AKAP3: variants seen among roughly 807,000 people sequenced by gnomAD.
AKAP3 encodes A-kinase anchor protein 3.
Under a neutral mutation model 57.2 loss-of-function variants are expected in AKAP3, and 27 were observed. That is an observed-to-expected ratio of 0.47 (90% CI 0.35 to 0.65). AKAP3 has a LOEUF of 0.65. Among genes scored for constraint, AKAP3 ranks in the 30% least tolerant of loss-of-function variants. The pLI is 0.01. For missense variants in AKAP3, 959 were observed against 1,040.0 expected (o/e 0.92, Z 1.07); for synonymous variants, 334 against 392.3 (o/e 0.85, Z 1.76).
Position 4,626,491 on chromosome 12 carries a change from C to A in AKAP3, c.2406+5G>T. On this transcript the variant is annotated splice_donor_5th_base_variant and intron_variant, in intron 5 of 5. Transcript: ENST00000228850. The stretch of plus-strand genomic sequence containing the variant: ...CTTCCAAATTCCTCTGCCTTTGTTT[C>A]TTACCTTCTCCTGGATCCCTTCATC... 6.2e-7 allele frequency: 1 copy of A among 1,610,554 alleles called. No individual in the cohort carries two copies. The highest frequency in any genetic ancestry group is 8.5e-7 in the Non-Finnish European group (1 of 1,177,926).
chr12:4,641,583 A>G (rs982923264), intron 3 of AKAP3, among the ~76,000 whole-genome samples: 2 of 152,196 alleles, frequency 1.3e-5, no homozygotes, highest in African/African-American at 4.8e-5. Flanking sequence ...TAAACTCTAT[A>G]ATGTCCTCTG....
rs755479335 is a variant in AKAP3 at position 4,615,776 on chromosome 12, G to A, written c.2525C>T (p.Pro842Leu). 18 of 1,614,038 alleles carry A rather than the reference G, an allele frequency of 1.1e-5. No individual in the cohort carries two copies. Among genetic ancestry groups the A allele is most frequent in the South Asian group, 3.3e-5 (3 of 91,080 alleles). The change falls in exon 6 of 6, where the codon CCG becomes CTG. Residue 842 changes from proline to leucine, a missense_variant. Coordinates refer to ENST00000228850, the MANE Select transcript of AKAP3 (RefSeq NM_001278309.2). ...CATCAGCCAGTCCAGCAGCTGCAGC[G>A]GTGTGACATTCCCCACCGCCTCATT... ...QLNEAVGNVT[P>L]LQLLDWLMVN...
chr12:4,644,354 T>C (rs916200449), intron 2 of AKAP3, among the ~76,000 whole-genome samples: 2 of 152,194 alleles, frequency 1.3e-5, no homozygotes. Flanking sequence ...ACCAGTTCTA[T>C]TTTGCTCTTG....
Position 4,627,056 on chromosome 12 carries a change from T to C in AKAP3, c.1846A>G (p.Lys616Glu). ...IFKRDQSPEPKVPEQPVKEDR... is the reference protein window; with the variant it reads ...IFKRDQSPEPEVPEQPVKEDR... ...TCCTTAACTGGCTGTTCCGGCACCT[T>C]GGGTTCAGGGCTCTGGTCACGCTTG... Residue 616 changes from lysine to glutamate, a missense_variant, in exon 5 of 6, where the codon AAG becomes GAG. Transcript: ENST00000228850. 6.2e-7 allele frequency: 1 copy of C among 1,613,956 alleles called. No individual in the cohort carries two copies. The highest frequency in any genetic ancestry group is 1.3e-5 in the African/African-American group (1 of 75,040).
chr12:4,615,985 C>G, intron 5 of AKAP3, 91 bp from the exon 6 acceptor site: 1 of 1,511,702 alleles, frequency 6.6e-7, no homozygotes, highest in South Asian at 1.2e-5. Context: ...AGAGGCCAGG[C>G]AGACCTTGGG....
At chr12:4,642,085 CTT>C (rs1204911590) in intron 2 of AKAP3, 81 bp from the exon 3 acceptor site, 1 of 152,110 alleles carries the variant, frequency 6.6e-6, no homozygotes, top group Non-Finnish European at 1.5e-5. Flanking sequence ...ATGTTTTTGA[CTT>C]ATTATTTTTC....
chr12:4,637,615 G>A (rs1310176891), intron 4 of AKAP3, among the ~76,000 whole-genome samples: 3 of 152,082 alleles, frequency 2.0e-5, no homozygotes, highest in African/African-American at 4.8e-5. Flanking sequence ...ACGATACATT[G>A]CCTGATATTA....
At chr12:4,641,666 TA>T (rs1945639495) in intron 3 of AKAP3, among the ~76,000 whole-genome samples, 1 of 152,244 alleles carries the variant, frequency 6.6e-6, no homozygotes. Flanking sequence ...ATGCTACTAT[TA>T]TTTGGCCAAA....
chr12:4,615,991 T>C (rs1306939341), intron 5 of AKAP3, 97 bp from the exon 6 acceptor site: 76 of 1,457,576 alleles, frequency 5.2e-5, no homozygotes, highest in South Asian at 1.7e-4. Context: ...CAGGCAGACC[T>C]TGGGAAACTG....
In AKAP3 at chr12:4,616,179, G is replaced by A. The variant is rs568176710; in HGVS notation, c.2407-285C>T. Among the ~76,000 whole-genome samples the A allele has an allele frequency of 3.9e-5, 6 of 152,302 alleles. No homozygotes were observed. In the South Asian group the frequency reaches 1.2e-3, roughly 32 times the overall value. Reference sequence around the variant, plus strand: ...CTCCATCATTGTCCTAAGACCAACAGGGCAGGATGGAAAATGTCCAGTGGA... The same window carrying A: ...CTCCATCATTGTCCTAAGACCAACAAGGCAGGATGGAAAATGTCCAGTGGA... On this transcript the variant is annotated intron_variant, in intron 5 of 5. Coordinates refer to ENST00000228850, the MANE Select transcript of AKAP3 (RefSeq NM_001278309.2).
chr12:4,634,399 T>C (rs1435124500), intron 4 of AKAP3, among the ~76,000 whole-genome samples: 3 of 152,180 alleles, frequency 2.0e-5, no homozygotes, highest in Non-Finnish European at 4.4e-5. Context: ...TCTTAAATAT[T>C]ACAGAAAAGT....
chr12:4,642,953 T>A (rs1591536843), intron 2 of AKAP3, among the ~76,000 whole-genome samples: 1 of 152,172 alleles, frequency 6.6e-6, no homozygotes, highest in Non-Finnish European at 1.5e-5. Context: ...ACTATGGCGG[T>A]TACTATGGCG....
rs138233318 is a variant in AKAP3, at chr12:4,628,689, C to T, written c.213G>A (p.Thr71=). The part of the protein sequence containing the change: ...FKPGESFGGE[T]SNSGDPHKGF... ...CTTTGTGTGGGTCTCCTGAGTTGGA[C>T]GTTTCCCCACCAAATGATTCTCCGG... Residue 71 remains threonine (T), a synonymous_variant, in exon 5 of 6, where the codon ACG becomes ACA. Transcript: ENST00000228850. 9.9e-6 allele frequency: 16 copies of T among 1,614,122 alleles called. No homozygotes were observed. The highest frequency in any genetic ancestry group is 1.3e-5 in the African/African-American group (1 of 75,042).
chr12:4,636,920 T>A (rs1294056565), intron 4 of AKAP3, among the ~76,000 whole-genome samples: 1 of 152,060 alleles, frequency 6.6e-6, no homozygotes, highest in Non-Finnish European at 1.5e-5. Flanking sequence ...GGCTAATTCT[T>A]TTTTTAGTAA....
chr12:4,621,648 C>A (rs780642440), intron 5 of AKAP3, among the ~76,000 whole-genome samples: 16 of 152,080 alleles, frequency 1.1e-4, no homozygotes, highest in Non-Finnish European at 1.8e-4. Flanking sequence ...TAGGCTATAC[C>A]AGCTAGGTTT....
intron 4 of AKAP3, chr12:4,635,407 T>C: frequency 1.4e-6 from 1 of 725,656 alleles, no homozygotes; most frequent in Non-Finnish European, 2.4e-6. Flanking sequence ...CCTCTTTTTC[T>C]GGCAGAATTT....
intron 4 of AKAP3, among the ~76,000 whole-genome samples, chr12:4,635,043 TG>T (rs1227937306): frequency 1.1e-4 from 17 of 152,158 alleles, no homozygotes; most frequent in African/African-American, 4.1e-4. Context: ...GTTAACTGTG[TG>T]GGTCCAGATA....
At chr12:4,640,634 CTACT>C (rs1424105905) in intron 3 of AKAP3, among the ~76,000 whole-genome samples, 1 of 152,146 alleles carries the variant, frequency 6.6e-6, no homozygotes, top group Non-Finnish European at 1.5e-5. Flanking sequence ...CTTTTAAGAG[CTACT>C]TATTCTTTGC....
At chr12:4,639,659 G>A (rs1945612212) in intron 3 of AKAP3, among the ~76,000 whole-genome samples, 1 of 143,070 alleles carries the variant, frequency 7.0e-6, no homozygotes, top group East Asian at 2.1e-4. Context: ...TCCCACCTAT[G>A]AGTGAGAACA....
Sources: allele counts gnomAD v4.1 joint callset (sites outside exome capture counted in the v4.1 genomes callset), GRCh38; gene constraint gnomAD v4.1.1; transcripts MANE v1.5; gene names NCBI Gene and HGNC (gene_info 2026-07-23, HGNC 2026-07-21).